Variants in VRK2 observed in about 807,000 individuals in gnomAD.
VRK2 encodes VRK serine/threonine kinase 2.
Under a neutral mutation model 57.6 loss-of-function variants are expected in VRK2, and 60 were observed. The observed-to-expected ratio is 1.04, with a 90% CI of 0.85 to 1.29. The LOEUF (loss-of-function observed/expected upper bound fraction) is 1.29. VRK2 is among the 50% of genes most tolerant of loss of function. The pLI, the probability that VRK2 is intolerant of heterozygous loss-of-function variation, is 0.00. For synonymous variants in VRK2, 231 were observed against 199.2 expected, an observed-to-expected ratio of 1.16 and a Z score of -1.35; for missense variants, 705 against 588.1, an observed-to-expected ratio of 1.20 and a Z score of -2.06.
chr2:58,028,675 G>T (rs1674009228), intron 2 of VRK2, among the ~76,000 whole-genome samples: 1 of 150,622 alleles, frequency 6.6e-6, no homozygotes, highest in Admixed American at 6.6e-5. Context: ...TCATAGGTGG[G>T]AACTGAACAA....
Position 57,932,834 on chromosome 2 carries a change from C to A in VRK2, c.-439+24995C>A, listed in dbSNP as rs116488971. On this transcript the variant is annotated intron_variant, in intron 1 of 15. Coordinates refer to the VRK2 transcript ENST00000417641. ...TCATGTAGGCATTTAACGTTATAAA[C>A]CTCCCTTAGCACTGCTTTTGCTGCA... Among the ~76,000 whole-genome samples, 1,115 of 152,140 alleles carry A rather than the reference C, an allele frequency of 7.3e-3. 19 individuals carry two copies. The highest frequency in any genetic ancestry group is 0.024 in the African/African-American group (1,017 of 41,512).
intron 10 of VRK2, among the ~76,000 whole-genome samples, chr2:58,138,583 G>A (rs1340304963): frequency 1.3e-5 from 2 of 152,100 alleles, no homozygotes; most frequent in African/African-American, 4.8e-5. Flanking sequence ...TCTCTATAGG[G>A]AGTGAAACCC....
chr2:58,127,229 GC>G (rs1393155137), intron 8 of VRK2, among the ~76,000 whole-genome samples: 2 of 151,932 alleles, frequency 1.3e-5, no homozygotes, highest in African/African-American at 4.8e-5. Flanking sequence ...CTCTAATCTA[GC>G]ACTCCAACTT....
intron 6 of VRK2, 124 bp downstream of exon 6, chr2:58,088,570 A>C: frequency 2.6e-6 from 2 of 769,734 alleles, no homozygotes; most frequent in Middle Eastern, 6.4e-4. Context: ...ATCAGTTATT[A>C]GGAGTAGAGG....
upstream of VRK2, among the ~76,000 whole-genome samples, chr2:58,042,322 TC>T (rs2103725508): frequency 6.6e-6 from 1 of 152,330 alleles, no homozygotes; most frequent in East Asian, 1.9e-4. Flanking sequence ...GGCTTGGAAT[TC>T]CATTTACCTG....
At chr2:58,098,468 C>T (rs961524619) in intron 7 of VRK2, among the ~76,000 whole-genome samples, 2 of 152,016 alleles carry the variant, frequency 1.3e-5, no homozygotes, top group Non-Finnish European at 2.9e-5. Context: ...GGTAAATGCC[C>T]TATACAGCTA....
intron 1 of VRK2, among the ~76,000 whole-genome samples, chr2:57,988,991 AT>A (rs11284741): frequency 0.017 from 2,559 of 152,148 alleles, 62 homozygotes; most frequent in African/African-American, 0.06. Flanking sequence ...GAAAATACCA[AT>A]TTCTTCCTAT....
intron 1 of VRK2, among the ~76,000 whole-genome samples, chr2:57,962,704 T>C (rs957222793): frequency 5.3e-5 from 8 of 152,162 alleles, no homozygotes; most frequent in Non-Finnish European, 8.8e-5. Flanking sequence ...ATCATCTTAT[T>C]CAAGTTTATG....
At chr2:58,079,547 A>G (rs1670568997) in intron 2 of VRK2, among the ~76,000 whole-genome samples, 1 of 152,006 alleles carries the variant, frequency 6.6e-6, no homozygotes, top group Non-Finnish European at 1.5e-5. Context: ...GAGCTGTATC[A>G]ACTCTCTCAT....
At chr2:58,143,875 A>G (rs1681705816) in intron 11 of VRK2, among the ~76,000 whole-genome samples, 1 of 151,804 alleles carries the variant, frequency 6.6e-6, no homozygotes, top group Non-Finnish European at 1.5e-5. Flanking sequence ...TAACCACAAT[A>G]TTATTTGTGG....
At chr2:57,927,549 A>T (rs543850503) in intron 1 of VRK2, among the ~76,000 whole-genome samples, 1 of 152,140 alleles carries the variant, frequency 6.6e-6, no homozygotes, top group Non-Finnish European at 1.5e-5. Flanking sequence ...TGATGGGCAT[A>T]TTTTAGTCTT....
intron 7 of VRK2, among the ~76,000 whole-genome samples, chr2:58,105,062 A>G: frequency 6.6e-6 from 1 of 152,010 alleles, no homozygotes; most frequent in East Asian, 1.9e-4. Flanking sequence ...AGTCAACTCA[A>G]GATGGATTAA....
chr2:57,963,198 T>TTATATAG (rs1245037371), intron 1 of VRK2, among the ~76,000 whole-genome samples: 1 of 152,180 alleles, frequency 6.6e-6, no homozygotes, highest in Non-Finnish European at 1.5e-5. Flanking sequence ...TCTGTACATT[T>TTATATAG]TATATAGCCA....
chr2:58,098,245 AAAAT>A (rs1214465916), intron 7 of VRK2, among the ~76,000 whole-genome samples: 1 of 152,170 alleles, frequency 6.6e-6, no homozygotes, highest in African/African-American at 2.4e-5. Context: ...AAGTTTTAAA[AAAAT>A]AAATAGTTTA....
intron 1 of VRK2, among the ~76,000 whole-genome samples, chr2:57,922,384 T>C (rs1218834089): frequency 6.6e-6 from 1 of 151,954 alleles, no homozygotes; most frequent in Non-Finnish European, 1.5e-5. Context: ...GATGTTTAAA[T>C]ATATGTATAT....
intron 1 of VRK2, among the ~76,000 whole-genome samples, chr2:58,010,529 C>T (rs1056097478): frequency 6.6e-6 from 1 of 152,002 alleles, no homozygotes; most frequent in African/African-American, 2.4e-5. Context: ...GGCAACTTAG[C>T]CTGTTGGTTA....
intron 12 of VRK2, among the ~76,000 whole-genome samples, chr2:58,154,317 ATTTC>A (rs1156824042): frequency 6.2e-5 from 9 of 144,412 alleles, no homozygotes; most frequent in South Asian, 2.1e-4. Flanking sequence ...CTTGCTTTGG[ATTTC>A]TTTTTTTTTT....
chr2:58,115,047 T>A (rs1676217490), intron 7 of VRK2, among the ~76,000 whole-genome samples: 1 of 152,138 alleles, frequency 6.6e-6, no homozygotes, highest in African/African-American at 2.4e-5. Context: ...AGAAGTTATT[T>A]CCTTGAGGAT....
At chr2:57,969,959 T>C (rs1279582176) in intron 1 of VRK2, among the ~76,000 whole-genome samples, 1 of 149,740 alleles carries the variant, frequency 6.7e-6, no homozygotes, top group Non-Finnish European at 1.5e-5. Flanking sequence ...CAGTTTCAGT[T>C]TCCCCCCCGT....
Sources: allele counts gnomAD v4.1 joint callset (sites outside exome capture counted in the v4.1 genomes callset), GRCh38; gene constraint gnomAD v4.1.1; transcripts MANE v1.5; gene names NCBI Gene and HGNC (gene_info 2026-07-23, HGNC 2026-07-21).